The following SETD5 variants were observed in gnomAD, a reference collection of about 807,000 sequenced individuals.
SETD5 encodes the protein histone-lysine N-methyltransferase SETD5.
SETD5 carries 44 observed loss-of-function variants against 153.3 expected under a neutral mutation model. The ratio of observed to expected loss-of-function variants is 0.29; its 90% confidence interval spans 0.23 to 0.37. The LOEUF (loss-of-function observed/expected upper bound fraction) is 0.37. SETD5 is among the 10% of genes least tolerant of loss of function. The pLI is 1.00. For missense variants in SETD5, 1,544 were observed against 1,768.0 expected, an observed-to-expected ratio of 0.87 and a Z score of 2.27; for synonymous variants, 716 against 645.2, an observed-to-expected ratio of 1.11 and a Z score of -1.66.
chr3:9,435,983 C>G, intron 7 of SETD5, 77 bp downstream of exon 7: 2 of 1,372,394 alleles, frequency 1.5e-6, no homozygotes, highest in South Asian at 2.9e-5. Flanking sequence ...CACCAAAATT[C>G]TTTTAAGAAG....
At position 9,478,004 on chromosome 3, in the gene SETD5, C is replaced by CGG. The variant is rs763232134; in HGVS notation, c.*1919_*1920dup. 5.1e-4 allele frequency: 5 copies of CGG among 9,860 alleles called. No individual in the cohort carries two copies. Among genetic ancestry groups the CGG allele is most frequent in the African/African-American group, 1.3e-3 (4 of 3,140 alleles). 0.6% of individuals were successfully genotyped at this position (9,860 alleles called of 1,614,324 possible). On this transcript the variant is annotated 3_prime_UTR_variant, in exon 23 of 23. Transcript: ENST00000402198. ...ACCAGACCTCTTGGGGGGGTAGGGG[C>CGG]GGGGGGGTGGGGGGAACTCTTGGAA...
chr3:9,427,596 G>A (rs919990781), intron 2 of SETD5, among the ~76,000 whole-genome samples: 18 of 152,192 alleles, frequency 1.2e-4, no homozygotes, highest in African/African-American at 3.1e-4. Flanking sequence ...TGACTCAGTC[G>A]GTATCATGTA....
chr3:9,412,636 T>C (rs1215061767), intron 1 of SETD5, among the ~76,000 whole-genome samples: 1 of 151,918 alleles, frequency 6.6e-6, no homozygotes, highest in Non-Finnish European at 1.5e-5. Flanking sequence ...TTGATTGAAC[T>C]CCTGGCCTCA....
Position 9,464,533 on chromosome 3 carries a change from G to A in SETD5, c.2585G>A (p.Gly862Asp). 1.2e-6 allele frequency: 2 copies of A among 1,613,872 alleles called. No individual in the cohort carries two copies. The highest frequency in any genetic ancestry group is 3.3e-5 in the Admixed American group (2 of 60,002). The change falls in exon 18 of 23, where the codon GGC (glycine) becomes GAC (aspartate). Residue 862 changes from glycine to aspartate, a missense_variant. This residue lies in a region of SETD5 where 782 missense variants were observed against 787.2 expected (regional missense o/e 0.99). Coordinates refer to ENST00000402198, the MANE Select transcript of SETD5 (RefSeq NM_001080517.3). The stretch of plus-strand genomic sequence containing the variant: ...GTCACACCACCCCCTCCCAATTCAG[G>A]CTCAAAGAGTCCCCAGCTGGCCACA... ...SPVTPPPPNS[G>D]SKSPQLATPG...
Position 9,416,811 on chromosome 3 carries a change from T to C in SETD5, c.-176-7656T>C, listed in dbSNP as rs1444012225. ...GTATTTTGGGGATTTTGCTGTAGAC[T>C]AATCCTGGAAGGAAGAGAGGTTATA... On this transcript the variant is annotated intron_variant, in intron 1 of 22. Transcript: ENST00000402198. Among the ~76,000 whole-genome samples the C allele has an allele frequency of 1.6e-4, 24 of 152,160 alleles. 1 individual carries two copies. The highest frequency in any genetic ancestry group is 1.5e-3 in the Admixed American group (23 of 15,278).
At chr3:9,447,658 T>C in intron 14 of SETD5, 28 bp from the exon 15 acceptor site, 1 of 1,571,088 alleles carries the variant, frequency 6.4e-7, no homozygotes, top group Admixed American at 1.9e-5. Context: ...ACATTTCTGG[T>C]AAGCATCTGA....
In SETD5 at chr3:9,476,328, A is replaced by T; in HGVS notation, c.*237A>T. The stretch of plus-strand genomic sequence containing the variant: ...GAAGTTTCTCCCTGCTGTCAAGGGT[A>T]CATTGTTGACAAGCAAATGGTGTTT... On this transcript the variant is annotated 3_prime_UTR_variant, in exon 23 of 23. Transcript: ENST00000402198. 2 of 532,802 alleles carry T rather than the reference A, an allele frequency of 3.8e-6. No homozygotes were observed. Among genetic ancestry groups the T allele is most frequent in the South Asian group, 5.0e-5 (2 of 39,750 alleles). The allele number at this position is 532,802 out of a possible 1,614,324, so 33.0% of individuals were successfully genotyped here. A position where few individuals can be genotyped will look rare whatever the true frequency, so the allele number is the denominator to read the frequency against.
At chr3:9,409,880 A>G (rs2125507439) in intron 1 of SETD5, among the ~76,000 whole-genome samples, 1 of 152,324 alleles carries the variant, frequency 6.6e-6, no homozygotes, top group Non-Finnish European at 1.5e-5. Flanking sequence ...CACTAACACC[A>G]ATGTAATTTC....
intron 1 of SETD5, among the ~76,000 whole-genome samples, chr3:9,422,712 T>C (rs556784469): frequency 1.3e-5 from 2 of 152,358 alleles, no homozygotes; most frequent in East Asian, 3.9e-4. Flanking sequence ...GTTCACTTTA[T>C]GTTTTGTCAG....
At chr3:9,456,775 C>A (rs1200327706) in intron 17 of SETD5, among the ~76,000 whole-genome samples, 1 of 151,914 alleles carries the variant, frequency 6.6e-6, no homozygotes, top group Non-Finnish European at 1.5e-5. Context: ...AAGATTGAGA[C>A]CATCCTGGCC....
intron 2 of SETD5, among the ~76,000 whole-genome samples, chr3:9,425,207 G>A (rs7634081): frequency 0.061 from 9,237 of 150,924 alleles, 959 homozygotes; most frequent in African/African-American, 0.21. Flanking sequence ...GATTACAGGC[G>A]TCCGCCATCG....
At chr3:9,472,554 C>A (rs1559491759) in intron 19 of SETD5, among the ~76,000 whole-genome samples, 2 of 152,310 alleles carry the variant, frequency 1.3e-5, no homozygotes, top group African/African-American at 4.8e-5. Context: ...ATAATAATTT[C>A]CTCTCTTTTT....
intron 21 of SETD5, 115 bp from the exon 22 acceptor site, chr3:9,474,953 C>T: frequency 1.1e-6 from 1 of 918,958 alleles, no homozygotes; most frequent in Non-Finnish European, 1.6e-6. Context: ...CCCAATTTGT[C>T]ACAAAGAGAG....
chr3:9,457,943 A>G (rs1054222234), intron 17 of SETD5, among the ~76,000 whole-genome samples: 2 of 152,110 alleles, frequency 1.3e-5, no homozygotes, highest in African/African-American at 4.8e-5. Flanking sequence ...AAATTGAAAA[A>G]ATAATAATGA....
intron 1 of SETD5, among the ~76,000 whole-genome samples, chr3:9,423,631 T>C (rs1049435178): frequency 3.4e-4 from 52 of 152,240 alleles, no homozygotes; most frequent in Non-Finnish European, 1.5e-4. Flanking sequence ...GTGTACTATT[T>C]TAAATCGTTT....
In SETD5 at chr3:9,430,134, A is replaced by G. The variant is rs1015398221; in HGVS notation, c.71+1125A>G. On this transcript the variant is annotated intron_variant, in intron 3 of 22. Transcript: ENST00000402198. ...CTTCCCCCTTCAGCAAAGCAAAGCAACTGTACCAGATTTCTGGGTTGAATG... is the reference window on the plus strand; with the variant it reads ...CTTCCCCCTTCAGCAAAGCAAAGCAGCTGTACCAGATTTCTGGGTTGAATG... 10 of 1,018,804 alleles carry G rather than the reference A, an allele frequency of 9.8e-6. No homozygotes were observed. In the African/African-American group the frequency reaches 1.6e-4, roughly 16 times the overall value. The allele number at this position is 1,018,804 out of a possible 1,614,324, so 63.1% of individuals were successfully genotyped here. A position where few individuals can be genotyped will look rare whatever the true frequency, so the allele number is the denominator to read the frequency against.
rs769091565 is a variant in SETD5 at position 9,451,265 on chromosome 3, G to A, written c.2347-2474G>A. Among the ~76,000 whole-genome samples, 5 of 152,104 alleles carry A rather than the reference G, an allele frequency of 3.3e-5. No individual in the cohort carries two copies. The South Asian group carries it at 6.2e-4, about 19-fold the overall frequency. ...TTGAAATTTAGTTGAACCGGGACTC[G>A]GTGAAAATCTGCTCAGTGTTCAGTA... On this transcript the variant is annotated intron_variant, in intron 16 of 22. Coordinates refer to ENST00000402198, the MANE Select transcript of SETD5 (RefSeq NM_001080517.3).
intron 13 of SETD5, 71 bp downstream of exon 13, chr3:9,445,811 C>G (rs1559427930): frequency 1.8e-6 from 2 of 1,094,276 alleles, no homozygotes; most frequent in Non-Finnish European, 2.6e-6. Context: ...CTCTTCTGTT[C>G]TCTTGACTTT....
chr3:9,475,617 C>T lies in SETD5; in HGVS notation c.3855C>T (p.Pro1285=), dbSNP rs369121817. The T allele has an allele frequency of 3.8e-5, 62 of 1,613,868 alleles. No individual in the cohort carries two copies. Among genetic ancestry groups the T allele is most frequent in the African/African-American group, 5.3e-5 (4 of 74,910 alleles). ...CTGCACTGAGACCTGGAAACCCCCC[C>T]TCTCACGGTTCTTCAGAATCATCCC... ...RTTALRPGNP[P]SHGSSESSLS... Residue 1285 remains proline, a synonymous_variant, in exon 23 of 23, where the codon CCC becomes CCT. Coordinates refer to ENST00000402198, the MANE Select transcript of SETD5 (RefSeq NM_001080517.3).
Sources: allele counts gnomAD v4.1 joint callset (sites outside exome capture counted in the v4.1 genomes callset), GRCh38; gene constraint gnomAD v4.1.1; regional missense constraint gnomAD v4.1.1; transcripts MANE v1.5; gene names NCBI Gene and HGNC (gene_info 2026-07-23, HGNC 2026-07-21).